The following ALK variants were observed in gnomAD, a reference collection of about 807,000 sequenced individuals.
The protein encoded by ALK is ALK tyrosine kinase receptor.
In ALK, 74 loss-of-function variants were observed where a neutral mutation model predicts 163.1. The observed-to-expected ratio is 0.45, with a 90% CI of 0.38 to 0.55. The LOEUF (loss-of-function observed/expected upper bound fraction) is 0.55. Among genes scored for constraint, ALK ranks in the 20% least tolerant of loss-of-function variants. The probability of loss-of-function intolerance (pLI) is 0.00; values close to 1 mark genes in which losing one functional copy is unlikely to be tolerated. For missense variants in ALK, 2,063 were observed against 2,105.3 expected (o/e 0.98, Z 0.39); for synonymous variants, 960 against 843.2 (o/e 1.14, Z -2.40).
intron 1 of ALK, among the ~76,000 whole-genome samples, chr2:29,873,051 C>T (rs1666617646): frequency 6.6e-6 from 1 of 152,214 alleles, no homozygotes; most frequent in South Asian, 2.1e-4. Context: ...ACAGTGTGAG[C>T]TCCTCAGCTG....
chr2:29,831,028 A>AAGGAGG (rs146992197), intron 1 of ALK, among the ~76,000 whole-genome samples: 10,263 of 36,514 alleles, frequency 0.28, 3,276 homozygotes, highest in Non-Finnish European at 0.41. Flanking sequence ...GAGGAAGGGG[A>AAGGAGG]AGGAGGAGGA....
At chr2:29,790,062 G>A (rs1424433550) in intron 1 of ALK, among the ~76,000 whole-genome samples, 1 of 152,172 alleles carries the variant, frequency 6.6e-6, no homozygotes, top group East Asian at 1.9e-4. Flanking sequence ...CAAGATGGCC[G>A]ACCTACCACA....
intron 1 of ALK, among the ~76,000 whole-genome samples, chr2:29,766,553 A>G (rs1334154544): frequency 1.3e-5 from 2 of 152,186 alleles, no homozygotes; most frequent in East Asian, 3.9e-4. Context: ...TGGGTCTCCC[A>G]GCATTGCACA....
At chr2:29,343,237 C>A (rs575133338) in intron 5 of ALK, among the ~76,000 whole-genome samples, 4 of 138,450 alleles carry the variant, frequency 2.9e-5, no homozygotes, top group Admixed American at 7.6e-5. Context: ...GAGACAGGGT[C>A]TCATTCTGTC....
Position 29,717,508 on chromosome 2 carries a change from T to A in ALK, c.787+70A>T. 2.5e-6 allele frequency: 4 copies of A among 1,589,962 alleles called. No individual in the cohort carries two copies. The Admixed American group carries it at 6.7e-5, about 27-fold the overall frequency. On this transcript the variant is annotated intron_variant, in intron 2 of 28. Coordinates refer to ENST00000389048, the MANE Select transcript of ALK (RefSeq NM_004304.5). The stretch of plus-strand genomic sequence containing the variant: ...CCCTGGAGCACTATGAATCCCAAAC[T>A]GAAACTCACAGAGTCCTTATTATGA...
chr2:29,851,405 G>A (rs1665988285), intron 1 of ALK, among the ~76,000 whole-genome samples: 1 of 152,106 alleles, frequency 6.6e-6, no homozygotes, highest in Non-Finnish European at 1.5e-5. Context: ...GCTGTCTCTT[G>A]CGCCAAGACC....
At chr2:29,228,466 CT>C (rs1444438644) in intron 16 of ALK, among the ~76,000 whole-genome samples, 1 of 152,170 alleles carries the variant, frequency 6.6e-6, no homozygotes, top group Non-Finnish European at 1.5e-5. Context: ...ACAGCGGCGC[CT>C]TTCAGGAAGC....
intron 4 of ALK, among the ~76,000 whole-genome samples, chr2:29,530,585 G>C (rs1235276303): frequency 6.6e-6 from 1 of 152,222 alleles, no homozygotes; most frequent in Non-Finnish European, 1.5e-5. Context: ...GCAGCTCTCA[G>C]AATATGAGGC....
At chr2:29,657,844 T>C (rs964179051) in intron 3 of ALK, among the ~76,000 whole-genome samples, 1 of 152,090 alleles carries the variant, frequency 6.6e-6, no homozygotes, top group African/African-American at 2.4e-5. Context: ...AGCCCCTTAA[T>C]GAAAAACTCT....
intron 4 of ALK, among the ~76,000 whole-genome samples, chr2:29,405,718 C>T (rs1669565727): frequency 6.6e-6 from 1 of 152,056 alleles, no homozygotes; most frequent in Admixed American, 6.5e-5. Flanking sequence ...AGAGGGTTTA[C>T]TTAACAAAAG....
intron 4 of ALK, among the ~76,000 whole-genome samples, chr2:29,457,758 A>G (rs1670992762): frequency 6.6e-6 from 1 of 152,182 alleles, no homozygotes; most frequent in Admixed American, 6.5e-5. Context: ...TGGGTGTTTT[A>G]CATACATTAT....
rs567522473 is a variant in ALK, at chr2:29,487,237, T to C, written c.1154+44678A>G. 2.0e-5 allele frequency among the ~76,000 whole-genome samples: 3 copies of C among 152,272 alleles called. No individual in the cohort carries two copies. The South Asian group carries it at 6.2e-4, about 32-fold the overall frequency. On this transcript the variant is annotated intron_variant, in intron 4 of 28. Transcript: ENST00000389048. ...TCCAAAAGGGACTGAAATAAACAGA[T>C]GACCATGTAGGGGAGCTTGAATGGA...
At chr2:29,543,214 G>C (rs1010135444) in intron 3 of ALK, among the ~76,000 whole-genome samples, 2 of 152,118 alleles carry the variant, frequency 1.3e-5, no homozygotes, top group Non-Finnish European at 2.9e-5. Context: ...GGAAGGGTGA[G>C]GGGAGGAAAC....
rs374276783 is a variant in ALK, at chr2:29,920,214, G to A, written c.446C>T (p.Ala149Val). 6 of 1,612,782 alleles carry A rather than the reference G, an allele frequency of 3.7e-6. No individual in the cohort carries two copies. Among genetic ancestry groups the A allele is most frequent in the African/African-American group, 2.7e-5 (2 of 74,936 alleles). The change falls in exon 1 of 29, where the codon GCG (alanine) becomes GTG (valine). Residue 149 changes from alanine to valine, a missense_variant. This residue lies in a region of ALK where 987 missense variants were observed against 939.5 expected (regional missense o/e 1.05). Transcript: ENST00000389048. ...KQLVLELGEE[A>V]ILEGCVGPPG... The stretch of plus-strand genomic sequence containing the variant: ...GGGCCCGACGCAACCCTCCAAGATC[G>A]CCTCCTCGCCCAGCTCCAGCACCAA...
At chr2:29,582,497 A>G (rs1674735450) in intron 3 of ALK, among the ~76,000 whole-genome samples, 2 of 152,198 alleles carry the variant, frequency 1.3e-5, no homozygotes, top group Admixed American at 6.5e-5. Context: ...TTGTTCAGAT[A>G]CCATGTCCTG....
At position 29,807,256 on chromosome 2, in the gene ALK, G is replaced by A. The variant is rs553191032; in HGVS notation, c.668-89559C>T. On this transcript the variant is annotated intron_variant, in intron 1 of 28. Transcript: ENST00000389048. ...CAGTGACATAATAAGAAACAAGGGA[G>A]GAGACGAATCTCTCCCCAGACTCTC... 2.0e-5 allele frequency among the ~76,000 whole-genome samples: 3 copies of A among 152,206 alleles called. No individual in the cohort carries two copies. In the South Asian group the frequency reaches 6.2e-4, roughly 32 times the overall value.
At chr2:29,692,062 G>A (rs1326998035) in intron 3 of ALK, among the ~76,000 whole-genome samples, 1 of 152,152 alleles carries the variant, frequency 6.6e-6, no homozygotes, top group Admixed American at 6.5e-5. Context: ...GTCTGAATGG[G>A]AGTAAGTCAA....
intron 1 of ALK, among the ~76,000 whole-genome samples, chr2:29,882,636 G>A (rs1666894210): frequency 6.6e-6 from 1 of 152,174 alleles, no homozygotes; most frequent in Non-Finnish European, 1.5e-5. Context: ...GGAGGTTGCA[G>A]GGAGCCGAGA....
At chr2:29,814,587 G>T (rs1664846984) in intron 1 of ALK, among the ~76,000 whole-genome samples, 1 of 151,740 alleles carries the variant, frequency 6.6e-6, no homozygotes, top group Non-Finnish European at 1.5e-5. Flanking sequence ...GTGAACCCGG[G>T]AGGCAGAGCT....
Sources: gnomAD v4.1 joint callset for allele counts (sites outside exome capture counted in the v4.1 genomes callset) on GRCh38, gnomAD v4.1.1 for gene constraint, gnomAD v4.1.1 regional missense constraint, MANE v1.5 for transcripts, NCBI Gene and HGNC (gene_info 2026-07-23, HGNC 2026-07-21) for gene names.